CDON: variants seen among roughly 807,000 people sequenced by gnomAD.
CDON encodes the protein cell adhesion molecule-related/down-regulated by oncogenes.
Under a neutral mutation model 120.9 loss-of-function variants are expected in CDON, and 73 were observed. That is an observed-to-expected ratio of 0.60 (90% confidence interval 0.50 to 0.73). CDON has a LOEUF of 0.73. Ranked by LOEUF, CDON falls within the 30% of genes least tolerant of loss-of-function variation. CDON has a pLI of 0.00. For missense variants in CDON, 1,470 were observed against 1,587.3 expected (o/e 0.93, Z 1.26); for synonymous variants, 566 against 573.5 (o/e 0.99, Z 0.19).
At chr11:126,049,006 C>T (rs573379147) in intron 1 of CDON, among the ~76,000 whole-genome samples, 5 of 152,278 alleles carry the variant, frequency 3.3e-5, no homozygotes, top group Admixed American at 6.5e-5. Flanking sequence ...CGTGAGCCAA[C>T]AGGCGTGAGC....
chr11:126,002,781 A>G (rs1946987224), intron 10 of CDON, among the ~76,000 whole-genome samples: 1 of 152,144 alleles, frequency 6.6e-6, no homozygotes. Context: ...CAGAGGTAAA[A>G]TCAAAGTCGT....
At chr11:125,986,142 A>C (rs1671223326) in intron 15 of CDON, among the ~76,000 whole-genome samples, 2 of 152,246 alleles carry the variant, frequency 1.3e-5, no homozygotes, top group African/African-American at 4.8e-5. Context: ...AGCCATGAAA[A>C]GGATGAGTTC....
At position 125,981,370 on chromosome 11, in the gene CDON, A is replaced by G. The variant is rs544732000; in HGVS notation, c.2996-41T>C. 1.9e-4 allele frequency: 299 copies of G among 1,583,144 alleles called. 3 individuals are homozygous for G. In the East Asian group the frequency reaches 4.0e-3, roughly 21 times the overall value. On this transcript the variant is annotated intron_variant, in intron 16 of 19. Coordinates refer to ENST00000531738, the MANE Select transcript of CDON (RefSeq NM_001378964.1). ...AAAAAAGACACACACGCACACACAC[A>G]CACGCACGCACACATGCACATACGC...
intron 18 of CDON, among the ~76,000 whole-genome samples, chr11:125,965,963 C>T (rs1186418914): frequency 6.6e-6 from 1 of 152,010 alleles, no homozygotes; most frequent in Admixed American, 6.6e-5. Flanking sequence ...GGAGAAACCG[C>T]GTCTCTACTA....
chr11:126,006,102 T>C, intron 8 of CDON, 45 bp from the exon 9 acceptor site: 1 of 1,566,570 alleles, frequency 6.4e-7, no homozygotes, highest in Non-Finnish European at 8.8e-7. Context: ...ACTCCTCATT[T>C]CATTGTCTTC....
In CDON at chr11:126,050,938, C is replaced by T. The variant is rs561160321; in HGVS notation, c.-62+11641G>A. ...CAGCATACATTCACTCTAGGTGAAT[C>T]GGAAAAAGACACTAGTATTTCTCAG... On this transcript the variant is annotated intron_variant, in intron 1 of 19. Transcript: ENST00000531738. Among the ~76,000 whole-genome samples, 107 of 152,166 alleles carry T rather than the reference C, an allele frequency of 7.0e-4. 2 individuals carry two copies. The South Asian group carries it at 0.013, about 19-fold the overall frequency.
chr11:125,965,164 C>G (rs1356923822), intron 18 of CDON, among the ~76,000 whole-genome samples: 3 of 152,184 alleles, frequency 2.0e-5, no homozygotes, highest in Non-Finnish European at 4.4e-5. Flanking sequence ...CTCCTGAGTT[C>G]AGGCAATCCA....
At chr11:126,017,478 C>T (rs1244105826) in intron 5 of CDON, 103 bp from the exon 6 acceptor site, 1 of 1,097,990 alleles carries the variant, frequency 9.1e-7, no homozygotes, top group Non-Finnish European at 1.4e-6. Flanking sequence ...ATTCTTTATA[C>T]TACAAGGTCC....
At chr11:126,019,876 C>G (rs1410096959) in intron 3 of CDON, 111 bp from the exon 4 acceptor site, 1 of 924,512 alleles carries the variant, frequency 1.1e-6, no homozygotes, top group South Asian at 1.4e-5. Context: ...TTTGTGGCAG[C>G]TGACCCCAGT....
chr11:126,008,312 G>A (rs1947187744), intron 8 of CDON, among the ~76,000 whole-genome samples: 4 of 152,038 alleles, frequency 2.6e-5, no homozygotes, highest in African/African-American at 9.7e-5. Context: ...ATTTCATAAG[G>A]CTCAGATTCC....
chr11:126,055,029 A>T (rs1401440904), intron 1 of CDON, among the ~76,000 whole-genome samples: 1 of 152,212 alleles, frequency 6.6e-6, no homozygotes, highest in Non-Finnish European at 1.5e-5. Flanking sequence ...TCAACAAGTG[A>T]GCAATTCAGG....
At chr11:126,020,080 A>C (rs1382932108) in intron 3 of CDON, among the ~76,000 whole-genome samples, 1 of 152,076 alleles carries the variant, frequency 6.6e-6, no homozygotes, top group African/African-American at 2.4e-5. Flanking sequence ...AAAAGAAAAG[A>C]AAGCAGCTGG....
intron 2 of CDON, among the ~76,000 whole-genome samples, chr11:126,021,988 A>C (rs1405366124): frequency 1.3e-5 from 2 of 151,474 alleles, no homozygotes; most frequent in East Asian, 3.9e-4. Flanking sequence ...TGTAGTTCTT[A>C]CTACTCCAGA....
intron 15 of CDON, among the ~76,000 whole-genome samples, chr11:125,987,844 A>C (rs1044586124): frequency 3.9e-5 from 6 of 152,206 alleles, no homozygotes; most frequent in Non-Finnish European, 5.9e-5. Flanking sequence ...GTAAGTCTAA[A>C]GGTATATGGA....
intron 9 of CDON, 40 bp downstream of exon 9, chr11:126,005,719 A>G: frequency 6.3e-7 from 1 of 1,576,366 alleles, no homozygotes; most frequent in Non-Finnish European, 8.7e-7. Flanking sequence ...AAGAACGTTC[A>G]GGTGTGAGCC....
chr11:126,040,176 G>A (rs536912961), intron 1 of CDON, among the ~76,000 whole-genome samples: 4 of 152,108 alleles, frequency 2.6e-5, no homozygotes, highest in East Asian at 1.9e-4. Flanking sequence ...AGAGGGCCGG[G>A]GGGTATATGG....
At chr11:125,988,501 G>A (rs546361113) in intron 15 of CDON, among the ~76,000 whole-genome samples, 60 of 152,270 alleles carry the variant, frequency 3.9e-4, no homozygotes, top group African/African-American at 1.3e-3. Context: ...TCAGCCTCCT[G>A]AACTAACAAC....
intron 18 of CDON, among the ~76,000 whole-genome samples, chr11:125,972,788 C>T (rs143979661): frequency 3.5e-4 from 54 of 152,204 alleles, no homozygotes; most frequent in Non-Finnish European, 6.5e-4. Flanking sequence ...GGTAAGAGTC[C>T]GTACGGAAAA....
At chr11:126,000,467 C>T (rs1276330017) in intron 11 of CDON, among the ~76,000 whole-genome samples, 1 of 152,198 alleles carries the variant, frequency 6.6e-6, no homozygotes, top group East Asian at 1.9e-4. Context: ...CTCAGCCTCC[C>T]AAAGCACTAG....
Sources: allele counts gnomAD v4.1 joint callset (sites outside exome capture counted in the v4.1 genomes callset), GRCh38; gene constraint gnomAD v4.1.1; transcripts MANE v1.5; gene names NCBI Gene and HGNC (gene_info 2026-07-23, HGNC 2026-07-21).